Variants in TSPAN2 observed in about 807,000 individuals in gnomAD.
TSPAN2 encodes tetraspanin 2.
A neutral mutation model predicts 33.3 loss-of-function variants in TSPAN2; 24 were observed. The ratio of observed to expected loss-of-function variants is 0.72; its 90% CI spans 0.52 to 1.01. The LOEUF (loss-of-function observed/expected upper bound fraction) is 1.01. TSPAN2 is among the 50% of genes least tolerant of loss of function. The probability of loss-of-function intolerance (pLI) is 0.00; values close to 1 mark genes in which losing one functional copy is unlikely to be tolerated. For synonymous variants in TSPAN2, 114 were observed against 104.5 expected (o/e 1.09, Z -0.56); for missense variants, 278 against 281.3 (o/e 0.99, Z 0.08).
intron 5 of TSPAN2, among the ~76,000 whole-genome samples, chr1:115,058,589 A>T (rs1482023306): frequency 6.6e-6 from 1 of 152,194 alleles, no homozygotes; most frequent in African/African-American, 2.4e-5. Flanking sequence ...AAAGCCTGCT[A>T]TTTATCTGGG....
intron 1 of TSPAN2, among the ~76,000 whole-genome samples, chr1:115,086,542 A>G (rs1180942584): frequency 6.6e-6 from 1 of 152,148 alleles, no homozygotes; most frequent in Non-Finnish European, 1.5e-5. Context: ...TAAACTCCTT[A>G]CTTAGATCAC....
chr1:115,073,758 AGTGG>A, intron 1 of TSPAN2, among the ~76,000 whole-genome samples: 1 of 152,152 alleles, frequency 6.6e-6, no homozygotes, highest in African/African-American at 2.4e-5. Context: ...GGAGAGGCTG[AGTGG>A]CTGGCACAGG....
chr1:115,058,772 A>C (rs1027324128), intron 5 of TSPAN2, 111 bp downstream of exon 5: 3 of 937,726 alleles, frequency 3.2e-6, no homozygotes, highest in Non-Finnish European at 5.2e-6. Context: ...AGGTGGTGCT[A>C]CTTGGCTTTA....
chr1:115,073,285 C>A (rs763910170), intron 1 of TSPAN2, among the ~76,000 whole-genome samples: 1 of 152,310 alleles, frequency 6.6e-6, no homozygotes, highest in East Asian at 1.9e-4. Context: ...GGGGCACACA[C>A]AGCACAGCCA....
chr1:115,061,509 A>G (rs376567752), intron 3 of TSPAN2, among the ~76,000 whole-genome samples: 3 of 152,140 alleles, frequency 2.0e-5, no homozygotes, highest in African/African-American at 7.2e-5. Context: ...GGCTATAGAA[A>G]CCTTTTAGCT....
chr1:115,080,202 TTTCTC>T lies in TSPAN2; in HGVS notation c.70-7200_70-7196del, dbSNP rs370180593. Among the ~76,000 whole-genome samples the T allele has an allele frequency of 4.8e-3, 738 of 152,346 alleles. 7 individuals are homozygous for T. Among genetic ancestry groups the T allele is most frequent in the African/African-American group, 0.016 (682 of 41,572 alleles). ...TATTTGGTGATTATACATAATGTCT[TTTCTC>T]TTAACAATACAGGGAGAAGGAGAAG... On this transcript the variant is annotated intron_variant, in intron 1 of 7. Coordinates refer to ENST00000369516, the MANE Select transcript of TSPAN2 (RefSeq NM_005725.6).
chr1:115,064,028 C>T (rs1292251233), intron 2 of TSPAN2, among the ~76,000 whole-genome samples: 2 of 151,194 alleles, frequency 1.3e-5, no homozygotes, highest in South Asian at 2.1e-4. Flanking sequence ...TGCCCATGTA[C>T]CCCCTGATTC....
Position 115,050,142 on chromosome 1 carries a change from C to T in TSPAN2, c.*348G>A, listed in dbSNP as rs961373552. 7.5e-6 allele frequency: 2 copies of T among 267,044 alleles called. No homozygotes were observed. Among genetic ancestry groups the T allele is most frequent in the Non-Finnish European group, 1.4e-5 (2 of 139,512 alleles). The allele number at this position is 267,044 out of a possible 1,614,324, so 16.5% of individuals were successfully genotyped here. On this transcript the variant is annotated 3_prime_UTR_variant, in exon 8 of 8. Coordinates refer to ENST00000369516, the MANE Select transcript of TSPAN2 (RefSeq NM_005725.6). ...ATCACTTTTTCTAAATAGCCAAGTT[C>T]TCAAAGTTTCTGAAAGCTCTTTGAT... is the stretch of plus-strand genomic sequence containing the variant.
chr1:115,050,400 G>C lies in TSPAN2; in HGVS notation c.*90C>G, dbSNP rs1675282079. 1 of 1,135,686 alleles carries C rather than the reference G, an allele frequency of 8.8e-7. No individual in the cohort carries two copies. The highest frequency in any genetic ancestry group is 1.3e-6 in the Non-Finnish European group (1 of 747,700). The allele number at this position is 1,135,686 out of a possible 1,614,324, so 70.4% of individuals were successfully genotyped here. The stretch of plus-strand genomic sequence containing the variant: ...ACAGCAAATTATTTTAGATCCTAAT[G>C]TCATTTCAGTGTTAAAAATGAGCTG... On this transcript the variant is annotated 3_prime_UTR_variant, in exon 8 of 8. Transcript: ENST00000369516.
chr1:115,065,308 CA>C (rs1418363029), intron 2 of TSPAN2, among the ~76,000 whole-genome samples: 1 of 152,150 alleles, frequency 6.6e-6, no homozygotes, highest in East Asian at 1.9e-4. Context: ...GTCTGACCCT[CA>C]AAAAATAGCT....
At chr1:115,081,872 G>T (rs1464948831) in intron 1 of TSPAN2, among the ~76,000 whole-genome samples, 1 of 152,174 alleles carries the variant, frequency 6.6e-6, no homozygotes, top group Non-Finnish European at 1.5e-5. Flanking sequence ...TTTTATTTTA[G>T]ATCCACACTC....
chr1:115,075,127 T>C (rs992751297), intron 1 of TSPAN2, among the ~76,000 whole-genome samples: 2 of 152,170 alleles, frequency 1.3e-5, no homozygotes, highest in African/African-American at 4.8e-5. Context: ...CTCTAATTTA[T>C]AGCTGTCTGG....
chr1:115,064,556 CATT>C (rs145525197), intron 2 of TSPAN2, among the ~76,000 whole-genome samples: 1,828 of 152,350 alleles, frequency 0.012, 19 homozygotes, highest in Non-Finnish European at 0.02. Flanking sequence ...ATTAGTCTCT[CATT>C]ATAGATTTCA....
chr1:115,089,497 C>T lies in TSPAN2; in HGVS notation c.-65G>A, dbSNP rs1209011495. The T allele has an allele frequency of 1.1e-5, 14 of 1,256,812 alleles. No individual in the cohort carries two copies. Among genetic ancestry groups the T allele is most frequent in the Non-Finnish European group, 1.4e-5 (14 of 979,654 alleles). The allele number at this position is 1,256,812 out of a possible 1,614,324, so 77.9% of individuals were successfully genotyped here. ...CGCTACGAGCGCGGGGAGCGGCAGG[C>T]TCCGGCGGGGAGGGGGCGGAGCGGG... On this transcript the variant is annotated 5_prime_UTR_variant, in exon 1 of 8. Transcript: ENST00000369516.
intron 1 of TSPAN2, among the ~76,000 whole-genome samples, chr1:115,074,505 T>C (rs1459437089): frequency 1.3e-5 from 2 of 151,934 alleles, no homozygotes; most frequent in Admixed American, 6.6e-5. Context: ...AATTGGATAA[T>C]GTGAGGGGCA....
rs1159247308 is a variant in TSPAN2 at position 115,057,623 on chromosome 1, A to G, written c.445-15T>C. The G allele has an allele frequency of 6.2e-7, 1 of 1,613,736 alleles. No homozygotes were observed. Among genetic ancestry groups the G allele is most frequent in the Non-Finnish European group, 8.5e-7 (1 of 1,179,730 alleles). The stretch of plus-strand genomic sequence containing the variant: ...CAGCACTGAAACTAGAGAGTCAGAA[A>G]AGAGACTTCAGGACCAGGCGGGAGG... On this transcript the variant is annotated splice_polypyrimidine_tract_variant and intron_variant, in intron 5 of 7. Transcript: ENST00000369516.
At chr1:115,051,651 T>G (rs900081884) in intron 7 of TSPAN2, among the ~76,000 whole-genome samples, 4 of 152,192 alleles carry the variant, frequency 2.6e-5, no homozygotes, top group African/African-American at 9.7e-5. Context: ...TCTGGTTCTC[T>G]CCTCAATTCC....
chr1:115,068,214 G>GGGGACT (rs1392392886), intron 2 of TSPAN2, among the ~76,000 whole-genome samples: 1 of 152,170 alleles, frequency 6.6e-6, no homozygotes. Context: ...CCCACAGCTG[G>GGGGACT]ATCCTCCTGC....
At chr1:115,066,536 A>G (rs1647957195) in intron 2 of TSPAN2, among the ~76,000 whole-genome samples, 1 of 152,204 alleles carries the variant, frequency 6.6e-6, no homozygotes, top group South Asian at 2.1e-4. Context: ...TTTAGTTAAC[A>G]TAAAAATGAG....
Sources: gnomAD v4.1 joint callset for allele counts (sites outside exome capture counted in the v4.1 genomes callset) on GRCh38, gnomAD v4.1.1 for gene constraint, MANE v1.5 for transcripts, NCBI Gene and HGNC (gene_info 2026-07-23, HGNC 2026-07-21) for gene names.